The following FAM169A variants were observed in gnomAD, a reference collection of about 807,000 sequenced individuals.
FAM169A encodes the protein family with sequence similarity 169 member A, also known as soluble lamin-associated protein of 75 kDa.
A neutral mutation model predicts 75.7 loss-of-function variants in FAM169A; 24 were observed. The observed-to-expected ratio is 0.32, with a 90% CI of 0.23 to 0.45. FAM169A has a LOEUF of 0.45. Ranked by LOEUF, FAM169A falls within the 20% of genes least tolerant of loss-of-function variation. The pLI is 1.00. For missense variants in FAM169A, 673 were observed against 784.0 expected, an observed-to-expected ratio of 0.86 and a Z score of 1.69; for synonymous variants, 271 against 271.0, an observed-to-expected ratio of 1.00 and a Z score of 0.00.
intron 11 of FAM169A, among the ~76,000 whole-genome samples, chr5:74,785,748 A>G (rs1745663330): frequency 6.6e-6 from 1 of 152,196 alleles, no homozygotes; most frequent in Non-Finnish European, 1.5e-5. Context: ...CATGACAGAG[A>G]ATCTGTCTCA....
intron 3 of FAM169A, 70 bp downstream of exon 3, chr5:74,840,004 A>G: frequency 1.3e-6 from 1 of 772,562 alleles, no homozygotes. Context: ...TCATGTAGCT[A>G]CCTTTTAAAT....
At chr5:74,791,257 A>G (rs1745960000) in intron 11 of FAM169A, among the ~76,000 whole-genome samples, 1 of 152,226 alleles carries the variant, frequency 6.6e-6, no homozygotes. Context: ...GCTCTGAATA[A>G]GCATCCAGTA....
chr5:74,819,927 T>C (rs1457991418), intron 5 of FAM169A, among the ~76,000 whole-genome samples: 1 of 151,782 alleles, frequency 6.6e-6, no homozygotes, highest in Non-Finnish European at 1.5e-5. Flanking sequence ...ATGAAAATTA[T>C]CTAAAATTAG....
intron 7 of FAM169A, 114 bp downstream of exon 7, chr5:74,805,042 C>CT (rs1746794043): frequency 4.7e-6 from 4 of 853,536 alleles, no homozygotes; most frequent in East Asian, 2.5e-5. Flanking sequence ...ACTCTGGACT[C>CT]TAAGACACAA....
intron 1 of FAM169A, among the ~76,000 whole-genome samples, chr5:74,861,353 T>C (rs990354297): frequency 3.9e-5 from 6 of 152,204 alleles, no homozygotes; most frequent in Non-Finnish European, 5.9e-5. Flanking sequence ...ATCTCTATTA[T>C]CTGCCTAGAT....
intron 1 of FAM169A, among the ~76,000 whole-genome samples, chr5:74,856,352 G>C (rs1749704211): frequency 6.6e-6 from 1 of 151,936 alleles, no homozygotes; most frequent in Non-Finnish European, 1.5e-5. Context: ...AAATTGCATT[G>C]AATCTGTAGA....
In FAM169A at chr5:74,799,254, G is replaced by A; in HGVS notation, c.1103+1626C>T. 4 of 1,501,554 alleles carry A rather than the reference G, an allele frequency of 2.7e-6. No individual in the cohort carries two copies. The South Asian group carries it at 4.5e-5, about 17-fold the overall frequency. The allele number at this position is 1,501,554 out of a possible 1,614,324, so 93.0% of individuals were successfully genotyped here. ...GGAGTCAGAAAGATGGTGTCTGGAA[G>A]CCAACACTGATGATCCTGAGAATTA... On this transcript the variant is annotated intron_variant, in intron 10 of 12. Coordinates refer to ENST00000687041, the MANE Select transcript of FAM169A (RefSeq NM_001376049.1).
At chr5:74,807,597 A>G in intron 6 of FAM169A, among the ~76,000 whole-genome samples, 1 of 152,244 alleles carries the variant, frequency 6.6e-6, no homozygotes, top group East Asian at 1.9e-4. Flanking sequence ...TGTAACATTC[A>G]TTACAGGACT....
rs112633344 is a variant in FAM169A at position 74,805,229 on chromosome 5, A to T, written c.726T>A (p.Val242=). The change falls in exon 7 of 13, where the codon GTT becomes GTA. Residue 242 remains valine, a synonymous_variant. Transcript: ENST00000687041. ...YPGDHELLWE[V]EGVGHWYQRI... ...GCTGGTACCAGTGTCCAACACCTTCAACTTCCCAAAGGAGTTCATGGTCTC... is the reference window on the plus strand; with the variant it reads ...GCTGGTACCAGTGTCCAACACCTTCTACTTCCCAAAGGAGTTCATGGTCTC... 2.0e-4 allele frequency: 317 copies of T among 1,613,550 alleles called. No homozygotes were observed. The African/African-American group carries it at 3.6e-3, about 18-fold the overall frequency.
intron 5 of FAM169A, among the ~76,000 whole-genome samples, chr5:74,833,244 C>T (rs527434787): frequency 6.6e-6 from 1 of 152,172 alleles, no homozygotes; most frequent in South Asian, 2.1e-4. Context: ...AATCACAAAG[C>T]AATTAATTCA....
At chr5:74,797,754 C>A (rs1746354639) in intron 10 of FAM169A, among the ~76,000 whole-genome samples, 2 of 152,168 alleles carry the variant, frequency 1.3e-5, no homozygotes, top group African/African-American at 4.8e-5. Flanking sequence ...GCAGAAAGTT[C>A]TATTTCTCAG....
At chr5:74,790,144 C>A (rs899626549) in intron 11 of FAM169A, among the ~76,000 whole-genome samples, 1 of 152,200 alleles carries the variant, frequency 6.6e-6, no homozygotes, top group African/African-American at 2.4e-5. Context: ...CCCTGGCCTT[C>A]TTTTCCCTAG....
intron 4 of FAM169A, among the ~76,000 whole-genome samples, chr5:74,838,382 T>C (rs1406752106): frequency 5.3e-5 from 8 of 152,188 alleles, no homozygotes; most frequent in Non-Finnish European, 1.2e-4. Flanking sequence ...TCTTGGTTTC[T>C]ATAGATTTTC....
Position 74,800,912 on chromosome 5 carries a change from G to A in FAM169A, c.1071C>T (p.Thr357=). Reference sequence around the variant, plus strand: ...TTGAAGCTGTAAGTGAAGTCTGGGAGGTCTTTTCATCTTCACCTTGAGAAC... The same window carrying A: ...TTGAAGCTGTAAGTGAAGTCTGGGAAGTCTTTTCATCTTCACCTTGAGAAC... ...FSSSQGEDEK[T]SQTSLTASIN... is the part of the protein sequence containing the mutation. The change falls in exon 10 of 13, where the codon ACC becomes ACT. Residue 357 remains threonine (T), a synonymous_variant. Transcript: ENST00000687041. The A allele has an allele frequency of 6.7e-7, 1 of 1,502,380 alleles. No individual in the cohort carries two copies. The highest frequency in any genetic ancestry group is 8.9e-7 in the Non-Finnish European group (1 of 1,121,702). The allele number at this position is 1,502,380 out of a possible 1,614,324, so 93.1% of individuals were successfully genotyped here.
chr5:74,862,542 G>C (rs1264531039), intron 1 of FAM169A, among the ~76,000 whole-genome samples: 1 of 152,068 alleles, frequency 6.6e-6, no homozygotes, highest in Non-Finnish European at 1.5e-5. Flanking sequence ...GCCCTCCTCG[G>C]CATGCCCCAT....
At chr5:74,866,531 C>T, upstream of FAM169A, 2 of 572,686 alleles carry the variant, frequency 3.5e-6, no homozygotes, top group Non-Finnish European at 4.4e-6. Flanking sequence ...AGGCGCCGGC[C>T]CGGCAGGTGC....
chr5:74,783,078 T>G lies in FAM169A; in HGVS notation c.1317A>C (p.Ser439=). The change falls in exon 12 of 13, where the codon TCA becomes TCC. Residue 439 remains serine, a synonymous_variant. Transcript: ENST00000687041. ...GEIMDDSLKT[S]LITEEEDSTS... ...TGGAGTCTTCCTCTTCTGTTATAAG[T>G]GAGGTCTTAAGAGAATCGTCCATTA... 6.2e-7 allele frequency: 1 copy of G among 1,613,690 alleles called. No individual in the cohort carries two copies. Among genetic ancestry groups the G allele is most frequent in the South Asian group, 1.1e-5 (1 of 91,072 alleles).
intron 5 of FAM169A, among the ~76,000 whole-genome samples, chr5:74,817,447 A>G (rs1410623791): frequency 1.3e-5 from 2 of 152,160 alleles, no homozygotes; most frequent in African/African-American, 4.8e-5. Context: ...CATTCATAAT[A>G]GCATCAAAAA....
At position 74,793,866 on chromosome 5, in the gene FAM169A, G is replaced by A. The variant is rs532641550; in HGVS notation, c.1260+2164C>T. ...AAAATAGAAAAAATTAGCAGGGCAT[G>A]GTGGCAGGCGCCTGTAGTCCCAGCT... On this transcript the variant is annotated intron_variant, in intron 11 of 12. Transcript: ENST00000687041. 2.6e-5 allele frequency among the ~76,000 whole-genome samples: 4 copies of A among 151,880 alleles called. No individual in the cohort carries two copies. In the South Asian group the frequency reaches 8.3e-4, roughly 32 times the overall value.
Sources: gnomAD v4.1 joint callset for allele counts (sites outside exome capture counted in the v4.1 genomes callset) on GRCh38, gnomAD v4.1.1 for gene constraint, MANE v1.5 for transcripts, NCBI Gene and HGNC (gene_info 2026-07-23, HGNC 2026-07-21) for gene names.